Variants in LDHC observed in about 807,000 individuals in gnomAD.
The protein encoded by LDHC is lactate dehydrogenase C, also known as L-lactate dehydrogenase C chain.
A neutral mutation model predicts 30.2 loss-of-function variants in LDHC; 20 were observed. The observed-to-expected ratio is 0.66, with a 90% confidence interval of 0.47 to 0.96. LDHC has a LOEUF of 0.96. Among genes scored for constraint, LDHC ranks in the 40% least tolerant of loss-of-function variants. LDHC has a pLI of 0.00. For missense variants in LDHC, 362 were observed against 394.9 expected, an observed-to-expected ratio of 0.92 and a Z score of 0.71; for synonymous variants, 139 against 132.7, an observed-to-expected ratio of 1.05 and a Z score of -0.32.
Position 18,434,914 on chromosome 11 carries a change from G to C in LDHC, c.592+1G>C, listed in dbSNP as rs1362977530. On this transcript the variant is annotated splice_donor_variant, in intron 5 of 7. Coordinates refer to ENST00000541669, the MANE Select transcript of LDHC (RefSeq NM_017448.5). LOFTEE classifies it high-confidence loss of function. Reference sequence around the variant, plus strand: ...ATTGGAGAACATGGTGATTCTAGTGGTAAGTATAAATCTATTATTATTACG... The same window carrying C: ...ATTGGAGAACATGGTGATTCTAGTGCTAAGTATAAATCTATTATTATTACG... 6.2e-7 allele frequency: 1 copy of C among 1,604,826 alleles called. No individual in the cohort carries two copies. The highest frequency in any genetic ancestry group is 8.5e-7 in the Non-Finnish European group (1 of 1,171,786).
chr11:18,421,950 C>G (rs1214322349), intron 3 of LDHC, among the ~76,000 whole-genome samples: 2 of 151,862 alleles, frequency 1.3e-5, no homozygotes, highest in Admixed American at 6.6e-5. Context: ...ATGGTGAAAC[C>G]CTGTCTCTAC....
chr11:18,412,897 T>C, intron 2 of LDHC, 54 bp downstream of exon 2: 2 of 1,568,036 alleles, frequency 1.3e-6, no homozygotes, highest in Non-Finnish European at 1.7e-6. Context: ...TTCAGAGTGT[T>C]GTATATGTCG....
Position 18,450,834 on chromosome 11 carries a change from C to T in LDHC, c.835-129C>T, listed in dbSNP as rs2133851074. On this transcript the variant is annotated intron_variant, in intron 7 of 7. Coordinates refer to ENST00000541669, the MANE Select transcript of LDHC (RefSeq NM_017448.5). ...ATGCTCTTGCTTTTGCTGACCATCA[C>T]TCTGCCACCCTCTGAGCGATTCTTG... The T allele has an allele frequency of 4.8e-6, 3 of 626,078 alleles. No individual in the cohort carries two copies. In the South Asian group the frequency reaches 7.0e-5, roughly 15 times the overall value. The allele number at this position is 626,078 out of a possible 1,614,324, so 38.8% of individuals were successfully genotyped here. A position where few individuals can be genotyped will look rare whatever the true frequency, so the allele number is the denominator to read the frequency against.
At chr11:18,421,781 G>A (rs1848058790) in intron 3 of LDHC, among the ~76,000 whole-genome samples, 1 of 152,140 alleles carries the variant, frequency 6.6e-6, no homozygotes, top group South Asian at 2.1e-4. Flanking sequence ...GATTACAGAT[G>A]ACATGATCTA....
At chr11:18,414,565 G>A (rs915071928) in intron 2 of LDHC, among the ~76,000 whole-genome samples, 2 of 152,106 alleles carry the variant, frequency 1.3e-5, no homozygotes, top group Non-Finnish European at 2.9e-5. Flanking sequence ...CAGTGGCTCA[G>A]GCCTGTAATC....
chr11:18,446,012 A>T (rs1848546969), intron 6 of LDHC, among the ~76,000 whole-genome samples, 198 bp from the exon 7 acceptor site: 1 of 152,148 alleles, frequency 6.6e-6, no homozygotes, highest in South Asian at 2.1e-4. Flanking sequence ...AAAAGTAATA[A>T]AGTATGTAGT....
At position 18,450,948 on chromosome 11, in the gene LDHC, T is replaced by G. The variant is rs750522906; in HGVS notation, c.835-15T>G. 1 of 1,562,076 alleles carries G rather than the reference T, an allele frequency of 6.4e-7. No individual in the cohort carries two copies. The highest frequency in any genetic ancestry group is 2.3e-5 in the East Asian group (1 of 43,214). On this transcript the variant is annotated splice_polypyrimidine_tract_variant and intron_variant, in intron 7 of 7. Coordinates refer to ENST00000541669, the MANE Select transcript of LDHC (RefSeq NM_017448.5). ...ATATCAGGTTATTTGAACAATATCTTATCTTGCCTTTCAGGGATTATATGG... is the reference window on the plus strand; with the variant it reads ...ATATCAGGTTATTTGAACAATATCTGATCTTGCCTTTCAGGGATTATATGG...
In LDHC at chr11:18,434,689, T is replaced by A. The variant is rs193148672; in HGVS notation, c.419-51T>A. The A allele has an allele frequency of 2.6e-3, 3,138 of 1,210,208 alleles. 22 individuals are homozygous for A. The African/African-American group carries it at 0.029, about 11-fold the overall frequency. The allele number at this position is 1,210,208 out of a possible 1,614,324, so 75.0% of individuals were successfully genotyped here. A position where few individuals can be genotyped will look rare whatever the true frequency, so the allele number is the denominator to read the frequency against. On this transcript the variant is annotated intron_variant, in intron 4 of 7. Transcript: ENST00000541669. ...ATCTATGTATTCAGGAAAAAAAAAA[T>A]TTTTTTAAGTTATGATGAATCTTTT...
intron 5 of LDHC, 143 bp downstream of exon 5, chr11:18,435,056 C>T: frequency 1.9e-6 from 1 of 516,690 alleles, no homozygotes; most frequent in Non-Finnish European, 3.4e-6. Context: ...TTTTACTATT[C>T]CTTTAGTTTC....
intron 5 of LDHC, among the ~76,000 whole-genome samples, chr11:18,438,324 G>A (rs1016011126): frequency 6.6e-6 from 1 of 152,118 alleles, no homozygotes; most frequent in African/African-American, 2.4e-5. Context: ...AGGAGATGAT[G>A]CTAAGCTATT....
In LDHC at chr11:18,412,709, G is replaced by T; in HGVS notation, c.-9G>T. On this transcript the variant is annotated splice_region_variant and 5_prime_UTR_variant, in exon 2 of 8. Coordinates refer to ENST00000541669, the MANE Select transcript of LDHC (RefSeq NM_017448.5). ...AATGAAATTGCATTATCCCTATCAG[G>T]TTCTCCAAATGTCAACTGTCAAGGA... The T allele has an allele frequency of 3.7e-6, 6 of 1,612,906 alleles. No homozygotes were observed. The highest frequency in any genetic ancestry group is 5.1e-6 in the Non-Finnish European group (6 of 1,179,242).
chr11:18,423,157 TC>T (rs1848098302), intron 3 of LDHC, among the ~76,000 whole-genome samples: 4 of 152,108 alleles, frequency 2.6e-5, no homozygotes, highest in Non-Finnish European at 5.9e-5. Flanking sequence ...AAACCCTGTC[TC>T]TGCTAAAAAT....
intron 3 of LDHC, among the ~76,000 whole-genome samples, chr11:18,416,776 CT>C (rs377185319): frequency 3.3e-5 from 5 of 151,356 alleles, no homozygotes; most frequent in African/African-American, 1.2e-4. Flanking sequence ...TCCTCTTCCC[CT>C]TTCCCCCTCT....
chr11:18,429,281 T>A (rs1848222532), intron 3 of LDHC, among the ~76,000 whole-genome samples: 1 of 151,944 alleles, frequency 6.6e-6, no homozygotes, highest in Non-Finnish European at 1.5e-5. Context: ...CCCAGCTAAT[T>A]TTTGTATTTT....
rs183666298 is a variant in LDHC, at chr11:18,417,885, A to G, written c.244+2584A>G. 3.7e-4 allele frequency among the ~76,000 whole-genome samples: 56 copies of G among 152,282 alleles called. 1 individual carries two copies. The highest frequency in any genetic ancestry group is 1.3e-3 in the African/African-American group (54 of 41,568). On this transcript the variant is annotated intron_variant, in intron 3 of 7. Coordinates refer to ENST00000541669, the MANE Select transcript of LDHC (RefSeq NM_017448.5). ...GAGTTTGAAATCAGCCAGAGGCAAC[A>G]TAGTGAGACCCTGTCTCCATTGTGC... is the stretch of plus-strand genomic sequence containing the variant.
intron 2 of LDHC, 64 bp downstream of exon 2, chr11:18,412,907 G>A: frequency 1.3e-6 from 2 of 1,523,592 alleles, no homozygotes; most frequent in South Asian, 2.4e-5. Context: ...TGTATATGTC[G>A]ATGTATTCAG....
chr11:18,448,775 C>A (rs763576394), intron 7 of LDHC, among the ~76,000 whole-genome samples: 1 of 142,102 alleles, frequency 7.0e-6, no homozygotes, highest in South Asian at 2.2e-4. Flanking sequence ...ATAGGGAATT[C>A]TCTTTAAACA....
At chr11:18,450,629 TC>T (rs1848639542) in intron 7 of LDHC, 1 of 203,100 alleles carries the variant, frequency 4.9e-6, no homozygotes, top group African/African-American at 2.4e-5. Context: ...TACTTGATTC[TC>T]ATAGTACTCC....
intron 4 of LDHC, 133 bp from the exon 5 acceptor site, chr11:18,434,607 C>CAAA (rs1157691090): frequency 1.7e-6 from 1 of 597,972 alleles, no homozygotes; most frequent in East Asian, 2.8e-5. Context: ...GCCACCGCAC[C>CAAA]CAGCCAGTGA....
Sources: allele counts gnomAD v4.1 joint callset (sites outside exome capture counted in the v4.1 genomes callset), GRCh38; gene constraint gnomAD v4.1.1; transcripts MANE v1.5; gene names NCBI Gene and HGNC (gene_info 2026-07-23, HGNC 2026-07-21).